EXOC4: variants seen among roughly 807,000 people sequenced by gnomAD.
The protein encoded by EXOC4 is SEC8-like 1.
Under a neutral mutation model 107.2 loss-of-function variants are expected in EXOC4, and 71 were observed. The ratio of observed to expected loss-of-function variants is 0.66; its 90% confidence interval spans 0.55 to 0.81. The LOEUF is 0.81. EXOC4 is among the 30% of genes least tolerant of loss of function. The pLI is 0.00. For missense variants in EXOC4, 1,108 were observed against 1,189.6 expected (o/e 0.93, Z 1.01); for synonymous variants, 456 against 441.2 (o/e 1.03, Z -0.42).
chr7:133,341,411 C>T (rs1244149602), intron 5 of EXOC4, among the ~76,000 whole-genome samples: 1 of 152,044 alleles, frequency 6.6e-6, no homozygotes. Flanking sequence ...GATATAATTT[C>T]GATTTTCTTA....
the EXOC4 span, among the ~76,000 whole-genome samples, chr7:134,075,252 A>T: frequency 6.6e-6 from 1 of 152,216 alleles, no homozygotes; most frequent in Non-Finnish European, 1.5e-5. Flanking sequence ...AGTGCATTAT[A>T]TGAAATCAGG....
chr7:133,423,771 C>G (rs1038058528), intron 7 of EXOC4, among the ~76,000 whole-genome samples: 1 of 151,972 alleles, frequency 6.6e-6, no homozygotes, highest in African/African-American at 2.4e-5. Flanking sequence ...TAGGGGCCAG[C>G]GCTGCGCGCA....
chr7:133,915,842 A>G (rs893073427), intron 12 of EXOC4, among the ~76,000 whole-genome samples: 7 of 152,242 alleles, frequency 4.6e-5, no homozygotes, highest in African/African-American at 1.7e-4. Context: ...GTCTCTGACC[A>G]TGGTTACTAT....
At chr7:133,617,203 T>C (rs1321915652) in intron 9 of EXOC4, among the ~76,000 whole-genome samples, 2 of 152,178 alleles carry the variant, frequency 1.3e-5, no homozygotes, top group Non-Finnish European at 2.9e-5. Context: ...TTTATAGTGA[T>C]TGCCTTAGTT....
At chr7:133,880,995 CAG>C (rs1385985161) in intron 11 of EXOC4, among the ~76,000 whole-genome samples, 3 of 152,248 alleles carry the variant, frequency 2.0e-5, no homozygotes, top group Admixed American at 2.0e-4. Flanking sequence ...GCCTGACAAA[CAG>C]AGCTTCAGAG....
intron 10 of EXOC4, among the ~76,000 whole-genome samples, chr7:133,644,778 C>A (rs996293261): frequency 2.0e-5 from 3 of 152,158 alleles, no homozygotes; most frequent in African/African-American, 7.2e-5. Flanking sequence ...TTCAGGGATT[C>A]AGGCCACCTC....
At chr7:133,879,538 A>G (rs1219223586) in intron 11 of EXOC4, among the ~76,000 whole-genome samples, 1 of 152,234 alleles carries the variant, frequency 6.6e-6, no homozygotes, top group Non-Finnish European at 1.5e-5. Flanking sequence ...CCAAATTTCA[A>G]AGACAATTTT....
chr7:133,903,122 G>A (rs1799492115), intron 12 of EXOC4, among the ~76,000 whole-genome samples: 1 of 152,158 alleles, frequency 6.6e-6, no homozygotes, highest in Admixed American at 6.5e-5. Context: ...GAACAGCAAG[G>A]AGGCCAGCAT....
rs550659719 is a variant in EXOC4 at position 133,375,082 on chromosome 7, A to G, written c.1182+80A>G. ...ACAACAACAACAGCAACAACAAGCCACCTAAAACACTATCTTAAGAGTCAT... is the reference window on the plus strand; with the variant it reads ...ACAACAACAACAGCAACAACAAGCCGCCTAAAACACTATCTTAAGAGTCAT... On this transcript the variant is annotated intron_variant, in intron 7 of 17. Transcript: ENST00000253861. 59 of 1,128,694 alleles carry G rather than the reference A, an allele frequency of 5.2e-5. No homozygotes were observed. In the East Asian group the frequency reaches 1.2e-3, roughly 24 times the overall value. The allele number at this position is 1,128,694 out of a possible 1,614,324, so 69.9% of individuals were successfully genotyped here. A position where few individuals can be genotyped will look rare whatever the true frequency, so the allele number is the denominator to read the frequency against.
At chr7:133,634,760 G>T (rs1369465419) in intron 10 of EXOC4, among the ~76,000 whole-genome samples, 1 of 152,114 alleles carries the variant, frequency 6.6e-6, no homozygotes, top group Non-Finnish European at 1.5e-5. Flanking sequence ...GAGATTACAG[G>T]TGTGAGCCAC....
intron 8 of EXOC4, among the ~76,000 whole-genome samples, chr7:133,476,949 T>C (rs1044416227): frequency 8.1e-6 from 1 of 122,780 alleles, no homozygotes; most frequent in Admixed American, 9.2e-5. Flanking sequence ...GTAAAGACAG[T>C]GTGGGCAAGA....
chr7:134,053,915 A>C, intron 17 of EXOC4, among the ~76,000 whole-genome samples: 1 of 150,576 alleles, frequency 6.6e-6, no homozygotes, highest in East Asian at 1.9e-4. Context: ...CTTGCTCTAT[A>C]GCTGGTACTT....
In EXOC4 at chr7:134,064,404, G is replaced by A. The variant is rs200509714; in HGVS notation, c.2801G>A (p.Arg934His). Residue 934 changes from arginine (R) to histidine (H), a missense_variant, in exon 18 of 18, where the codon CGC becomes CAC. Transcript: ENST00000253861. The part of the protein sequence containing the change: ...EYIHALTLLH[R>H]SQTGVGELTT... ...ATCCACGCTCTGACCCTGCTGCACC[G>A]CAGCCAGACTGGGGTGGGGGAACTG... 3.0e-5 allele frequency: 48 copies of A among 1,605,844 alleles called. No individual in the cohort carries two copies. Among genetic ancestry groups the A allele is most frequent in the Non-Finnish European group, 3.7e-5 (43 of 1,175,600 alleles).
At chr7:134,026,835 T>C (rs1361674658) in intron 17 of EXOC4, among the ~76,000 whole-genome samples, 2 of 150,860 alleles carry the variant, frequency 1.3e-5, no homozygotes, top group African/African-American at 4.9e-5. Context: ...CAGAGCAACG[T>C]TGCTTTCTTA....
At chr7:133,846,907 C>T (rs773101245) in intron 11 of EXOC4, among the ~76,000 whole-genome samples, 1 of 152,208 alleles carries the variant, frequency 6.6e-6, no homozygotes, top group Non-Finnish European at 1.5e-5. Context: ...GGGTCTCATA[C>T]TTTTGTATGT....
intron 8 of EXOC4, 84 bp from the exon 9 acceptor site, chr7:133,479,966 G>A (rs1272549209): frequency 8.8e-7 from 1 of 1,133,004 alleles, no homozygotes; most frequent in Admixed American, 1.7e-5. Context: ...ACACAGACCA[G>A]AGTAGAATAA....
At chr7:133,526,218 C>T (rs1315335662) in intron 9 of EXOC4, among the ~76,000 whole-genome samples, 1 of 152,160 alleles carries the variant, frequency 6.6e-6, no homozygotes, top group African/African-American at 2.4e-5. Context: ...ATTCTTATTT[C>T]TTTGGAATGG....
intron 10 of EXOC4, among the ~76,000 whole-genome samples, chr7:133,711,560 C>CT (rs996376472): frequency 2.7e-4 from 41 of 152,312 alleles, no homozygotes; most frequent in African/African-American, 8.7e-4. Flanking sequence ...AACTCAGACT[C>CT]TGTCAATCTG....
chr7:133,421,693 C>G (rs559883610), intron 7 of EXOC4, among the ~76,000 whole-genome samples: 1 of 152,224 alleles, frequency 6.6e-6, no homozygotes, highest in Non-Finnish European at 1.5e-5. Flanking sequence ...TTTGTTCAAG[C>G]TATTTTGAGT....
Sources: gnomAD v4.1 joint callset for allele counts (sites outside exome capture counted in the v4.1 genomes callset) on GRCh38, gnomAD v4.1.1 for gene constraint, MANE v1.5 for transcripts, NCBI Gene and HGNC (gene_info 2026-07-23, HGNC 2026-07-21) for gene names.